Variants in FLNC observed in about 807,000 individuals in gnomAD.
FLNC encodes the protein filamin-C.
Under a neutral mutation model 254.3 loss-of-function variants are expected in FLNC, and 91 were observed. That is an observed-to-expected ratio of 0.36 (90% CI 0.30 to 0.43). The LOEUF (loss-of-function observed/expected upper bound fraction) is 0.43, where lower values mean the gene tolerates loss of function less well. Ranked by LOEUF, FLNC falls within the 20% of genes least tolerant of loss-of-function variation. FLNC has a pLI of 1.00. For synonymous variants in FLNC, 1,430 were observed against 1,577.2 expected (o/e 0.91, Z 2.21); for missense variants, 2,853 against 3,802.6 (o/e 0.75, Z 6.57).
Position 128,852,578 on chromosome 7 carries a change from A to C in FLNC, c.5843-13A>C, listed in dbSNP as rs1044714175. The C allele has an allele frequency of 1.2e-6, 2 of 1,612,010 alleles. No individual in the cohort carries two copies. Among genetic ancestry groups the C allele is most frequent in the Non-Finnish European group, 1.7e-6 (2 of 1,179,730 alleles). On this transcript the variant is annotated splice_polypyrimidine_tract_variant and intron_variant, in intron 35 of 47. Coordinates refer to ENST00000325888, the MANE Select transcript of FLNC (RefSeq NM_001458.5). Reference sequence around the variant, plus strand: ...GGAGTCATAGCAGCCTGATGCCCCAACTCCCCCACCAGGTGATGACTCCAT... The same window carrying C: ...GGAGTCATAGCAGCCTGATGCCCCACCTCCCCCACCAGGTGATGACTCCAT...
chr7:128,858,838 C>A lies in FLNC; in HGVS notation c.*315C>A. The A allele has an allele frequency of 2.2e-6, 1 of 457,784 alleles. No individual in the cohort carries two copies. Among genetic ancestry groups the A allele is most frequent in the Non-Finnish European group, 4.0e-6 (1 of 247,016 alleles). The allele number at this position is 457,784 out of a possible 1,614,324, so 28.4% of individuals were successfully genotyped here. On this transcript the variant is annotated 3_prime_UTR_variant, in exon 48 of 48. Transcript: ENST00000325888. The surrounding 1 kb of genome is among the most constrained non-coding windows in gnomAD (Gnocchi z 6.7). ...GCGAGGCCAGGGAAGCCCTGAGTTT[C>A]TGGCGGGGCTGAGCAGTGGGGGAGC...
At chr7:128,853,240 T>G (rs2128939013) in intron 37 of FLNC, 4 of 709,570 alleles carry the variant, frequency 5.6e-6, no homozygotes, top group South Asian at 3.4e-5. Context: ...TCAGCTGTCC[T>G]GAGTTTCTGT....
intron 40 of FLNC, 22 bp from the exon 41 acceptor site, chr7:128,854,391 T>C: frequency 6.2e-7 from 1 of 1,606,266 alleles, no homozygotes; most frequent in East Asian, 2.2e-5. Context: ...AGTGTTGCCC[T>C]GACATCCCCC....
In FLNC at chr7:128,848,642, C is replaced by G. The variant is rs374683306; in HGVS notation, c.4662C>G (p.Ile1554Met). ...ASGPGLNASGIPASLPVEFTI... is the reference protein window; with the variant it reads ...ASGPGLNASGMPASLPVEFTI... ...GCCCAGGCCTCAACGCCTCTGGCAT[C>G]CCTGCCAGCCTGCCTGTGGAGTTCA... The change falls in exon 27 of 48, where the codon ATC becomes ATG. Residue 1554 changes from isoleucine to methionine, a missense_variant. Ile to Met is a conservative substitution (Grantham distance 10). Around this residue, in one of 10 missense-constraint regions of FLNC, gnomAD observed 1,573 missense variants for 1,883.5 expected, o/e 0.84. Transcript: ENST00000325888. 3.7e-6 allele frequency: 6 copies of G among 1,613,608 alleles called. No homozygotes were observed. The highest frequency in any genetic ancestry group is 5.1e-6 in the Non-Finnish European group (6 of 1,179,980).
rs553302711 is a variant in FLNC, at chr7:128,836,328, G to A, written c.601+754G>A. On this transcript the variant is annotated intron_variant, in intron 2 of 47. Transcript: ENST00000325888. This position sits in a 1 kb window ranked among gnomAD's most constrained non-coding sequence, Gnocchi z 6.0. ...CCCTGGGGTCAGCCGGGGAGCAGAGGGTGGGAGGCGGGGGCACAGCCTCCT... is the reference window on the plus strand; with the variant it reads ...CCCTGGGGTCAGCCGGGGAGCAGAGAGTGGGAGGCGGGGGCACAGCCTCCT... Among the ~76,000 whole-genome samples, 6 of 152,222 alleles carry A rather than the reference G, an allele frequency of 3.9e-5. No homozygotes were observed. Among genetic ancestry groups the A allele is most frequent in the Non-Finnish European group, 8.8e-5 (6 of 68,034 alleles).
In FLNC at chr7:128,835,504, C is replaced by T. The variant is rs1295139676; in HGVS notation, c.531C>T (p.Pro177=). 1.2e-6 allele frequency: 2 copies of T among 1,613,786 alleles called. No homozygotes were observed. Among genetic ancestry groups the T allele is most frequent in the Admixed American group, 3.3e-5 (2 of 60,030 alleles). The part of the protein sequence containing the change: ...GWIQNKVPQL[P]ITNFNRDWQD... ...TCCAGAACAAGGTGCCCCAGCTGCC[C>T]ATCACCAACTTCAACCGTGACTGGC... Residue 177 remains proline (P), a synonymous_variant, in exon 2 of 48, where the codon CCC becomes CCT. Transcript: ENST00000325888. This position sits in a 1 kb window ranked among gnomAD's most constrained non-coding sequence, Gnocchi z 5.3.
chr7:128,853,067 G>A, intron 37 of FLNC, 36 bp downstream of exon 37: 8 of 1,597,200 alleles, frequency 5.0e-6, no homozygotes, highest in Middle Eastern at 1.9e-4. Context: ...ATTCCAGCGG[G>A]TGCCTCCCAC....
chr7:128,831,084 A>T (rs1376270492), intron 1 of FLNC, 95 bp downstream of exon 1: 1 of 1,221,530 alleles, frequency 8.2e-7, no homozygotes, highest in African/African-American at 1.7e-5. Context: ...GGGAGCTGAG[A>T]GACAGGGCGG....
In FLNC at chr7:128,846,767, G is replaced by A. The variant is rs1342547221; in HGVS notation, c.4150G>A (p.Gly1384Ser). ...CAGGGGAGCGGGCACCGGGGGCCTT[G>A]GCCTAGCCATCGAGGGTCCCTCGGA... ...ETRGAGTGGL[G>S]LAIEGPSEAK... Residue 1384 changes from glycine to serine, a missense_variant, in exon 24 of 48, where the codon GGC (glycine) becomes AGC (serine). By Grantham distance (56) the Gly-to-Ser change is moderately conservative. Coordinates refer to ENST00000325888, the MANE Select transcript of FLNC (RefSeq NM_001458.5). 4 of 1,614,008 alleles carry A rather than the reference G, an allele frequency of 2.5e-6. No homozygotes were observed. The highest frequency in any genetic ancestry group is 3.4e-6 in the Non-Finnish European group (4 of 1,180,020).
rs375071103 is a variant in FLNC, at chr7:128,838,272, C to T, written c.1053C>T (p.Thr351=). The T allele has an allele frequency of 6.9e-5, 112 of 1,613,780 alleles. No homozygotes were observed. Among genetic ancestry groups the T allele is most frequent in the Non-Finnish European group, 8.5e-5 (100 of 1,179,912 alleles). ...VPKVAGLHKV[T]VLFAGQNIER... is the part of the protein sequence containing the mutation. ...CTTTGACCTCTGACCCCTAGGTGAC[C>T]GTGCTCTTTGCTGGCCAGAACATTG... The change falls in exon 7 of 48, where the codon ACC becomes ACT. Residue 351 remains threonine (T), a synonymous_variant. Coordinates refer to ENST00000325888, the MANE Select transcript of FLNC (RefSeq NM_001458.5).
At chr7:128,845,669 C>T (rs72607756) in intron 21 of FLNC, among the ~76,000 whole-genome samples, 23,861 of 151,894 alleles carry the variant, frequency 0.16, 3,705 homozygotes, top group African/African-American at 0.39. Context: ...TAGGCATGGG[C>T]CACGGCAGAG....
At chr7:128,838,120 T>C (rs958518116) in intron 6 of FLNC, 56 bp downstream of exon 6, 1 of 1,535,004 alleles carries the variant, frequency 6.5e-7, no homozygotes, top group African/African-American at 1.4e-5. Context: ...TGGTTCCGGC[T>C]GCATGGACCC....
rs1460797312 is a variant in FLNC at position 128,835,463 on chromosome 7, C to T, written c.490C>T (p.Arg164Trp). Residue 164 changes from arginine (R) to tryptophan (W), a missense_variant, in exon 2 of 48, where the codon CGG (arginine) becomes TGG (tryptophan). By Grantham distance (101) the Arg-to-Trp change is moderately radical. Around this residue, in one of 10 missense-constraint regions of FLNC, gnomAD observed 115 missense variants for 230.3 expected, o/e 0.50. Transcript: ENST00000325888. The surrounding 1 kb of genome is among the most constrained non-coding windows in gnomAD (Gnocchi z 5.3). ...EDARKQTPKQ[R>W]LLGWIQNKVP... ...TGCCCGCAAACAGACGCCCAAGCAG[C>T]GGCTGCTTGGCTGGATCCAGAACAA... 19 of 1,613,824 alleles carry T rather than the reference C, an allele frequency of 1.2e-5. No homozygotes were observed. Among genetic ancestry groups the T allele is most frequent in the Non-Finnish European group, 1.5e-5 (18 of 1,180,028 alleles).
Position 128,837,221 on chromosome 7 carries a change from C to T in FLNC, c.663C>T (p.Ala221=). The T allele has an allele frequency of 6.2e-7, 1 of 1,600,066 alleles. No individual in the cohort carries two copies. Among genetic ancestry groups the T allele is most frequent in the Non-Finnish European group, 8.5e-7 (1 of 1,174,044 alleles). ...AGCCCGTGGAGAACGCCCGGGAGGC[C>T]ATGCAGCAGGCCGACGACTGGCTTG... is the stretch of plus-strand genomic sequence containing the variant. ...PNQPVENARE[A]MQQADDWLGV... is the part of the protein sequence containing the mutation. The change falls in exon 3 of 48, where the codon GCC becomes GCT. Residue 221 remains alanine (A), a synonymous_variant. Transcript: ENST00000325888.
Position 128,835,604 on chromosome 7 carries a change from C to T in FLNC, c.601+30C>T, listed in dbSNP as rs781684186. ...GTGGGCCAGTGAGCACAGCATGGAG[C>T]CCTTAGCTCCCAAAGACAGAGGGGA... On this transcript the variant is annotated intron_variant, in intron 2 of 47. Coordinates refer to ENST00000325888, the MANE Select transcript of FLNC (RefSeq NM_001458.5). This position sits in a 1 kb window ranked among gnomAD's most constrained non-coding sequence, Gnocchi z 5.3. 1.9e-6 allele frequency: 3 copies of T among 1,609,486 alleles called. No homozygotes were observed. Among genetic ancestry groups the T allele is most frequent in the Non-Finnish European group, 1.7e-6 (2 of 1,178,466 alleles).
At chr7:128,855,382 G>C in intron 43 of FLNC, 68 bp downstream of exon 43, 1 of 999,316 alleles carries the variant, frequency 1.0e-6, no homozygotes. Flanking sequence ...GAGGACAGCA[G>C]GTCCATGGGG....
At position 128,858,773 on chromosome 7, in the gene FLNC, TC is replaced by T; in HGVS notation, c.*251del. On this transcript the variant is annotated 3_prime_UTR_variant, in exon 48 of 48. Transcript: ENST00000325888. The surrounding 1 kb of genome is among the most constrained non-coding windows in gnomAD (Gnocchi z 6.7). Reference sequence around the variant, plus strand: ...ACATGAGGGCCGACTGGGGCCAGGCTCAGGGGCAGAGGCTGGGACACAAGGG... The same window carrying T: ...ACATGAGGGCCGACTGGGGCCAGGCTAGGGGCAGAGGCTGGGACACAAGGG... 1 of 556,242 alleles carries T rather than the reference TC, an allele frequency of 1.8e-6. No individual in the cohort carries two copies. Among genetic ancestry groups the T allele is most frequent in the Non-Finnish European group, 3.2e-6 (1 of 308,360 alleles). 34.5% of individuals were successfully genotyped at this position (556,242 alleles called of 1,614,324 possible). A position where few individuals can be genotyped will look rare whatever the true frequency, so the allele number is the denominator to read the frequency against.
Position 128,842,694 on chromosome 7 carries a change from G to C in FLNC, c.2385G>C (p.Gly795=). Residue 795 remains glycine (G), a synonymous_variant, in exon 15 of 48, where the codon GGG becomes GGC. Coordinates refer to ENST00000325888, the MANE Select transcript of FLNC (RefSeq NM_001458.5). The surrounding 1 kb of genome is among the most constrained non-coding windows in gnomAD (Gnocchi z 5.4). Reference sequence around the variant, plus strand: ...TCACGGTGGACTGCAGCGAGGCGGGGCAAGGTGCGCCCAGCCGGAAGGGGT... The same window carrying C: ...TCACGGTGGACTGCAGCGAGGCGGGCCAAGGTGCGCCCAGCCGGAAGGGGT... ...TYFTVDCSEA[G]QGDVSIGIKC... 2 of 1,553,082 alleles carry C rather than the reference G, an allele frequency of 1.3e-6. No homozygotes were observed. Among genetic ancestry groups the C allele is most frequent in the Non-Finnish European group, 1.7e-6 (2 of 1,147,486 alleles).
intron 1 of FLNC, among the ~76,000 whole-genome samples, chr7:128,832,729 C>T (rs1476771675): frequency 6.6e-6 from 1 of 152,230 alleles, no homozygotes; most frequent in Non-Finnish European, 1.5e-5. Flanking sequence ...AGGCAGTCCC[C>T]ATTTGGGCCA....
Sources: gnomAD v4.1 joint callset for allele counts (sites outside exome capture counted in the v4.1 genomes callset) on GRCh38, gnomAD v4.1.1 for gene constraint, gnomAD v4.1.1 regional missense constraint, Gnocchi (gnomAD v3.1) non-coding constraint, MANE v1.5 for transcripts, NCBI Gene and HGNC (gene_info 2026-07-23, HGNC 2026-07-21) for gene names.